Variants in ACTN1 observed in about 807,000 individuals in gnomAD.
ACTN1 encodes actinin alpha 1.
A neutral mutation model predicts 119.6 loss-of-function variants in ACTN1; 30 were observed. The ratio of observed to expected loss-of-function variants is 0.25; its 90% CI spans 0.19 to 0.34. The LOEUF (loss-of-function observed/expected upper bound fraction) is 0.34. ACTN1 is among the 10% of genes least tolerant of loss of function. The probability of loss-of-function intolerance (pLI) is 1.00; values close to 1 mark genes in which losing one functional copy is unlikely to be tolerated. For missense variants in ACTN1, 764 were observed against 1,223.4 expected (o/e 0.62, Z 5.60); for synonymous variants, 429 against 472.6 (o/e 0.91, Z 1.20).
intron 1 of ACTN1, among the ~76,000 whole-genome samples, chr14:68,932,174 A>C (rs2140432002): frequency 6.6e-6 from 1 of 151,894 alleles, no homozygotes; most frequent in East Asian, 1.9e-4. Context: ...TGGACTGGGA[A>C]AGGCAGACCC....
At chr14:68,943,492 A>G (rs565987457) in intron 1 of ACTN1, among the ~76,000 whole-genome samples, 4 of 152,272 alleles carry the variant, frequency 2.6e-5, no homozygotes, top group South Asian at 4.1e-4. Flanking sequence ...CAGACACTGC[A>G]GCAAGGGCAG....
In ACTN1 at chr14:68,910,038, A is replaced by C. The variant is rs1169552594; in HGVS notation, c.432T>G (p.Thr144=). 1.2e-6 allele frequency: 2 copies of C among 1,613,524 alleles called. No homozygotes were observed. The change falls in exon 5 of 22, where the codon ACT becomes ACG. Residue 144 remains threonine (T), a synonymous_variant. Coordinates refer to ENST00000394419, the MANE Select transcript of ACTN1 (RefSeq NM_001130004.2). The part of the protein sequence containing the change: ...FAIQDISVEE[T]SAKEGLLLWC... ...ACAGGAGCAGCCCTTCCTTGGCTGA[A>C]GTCTCTATGGGGAAGGGGATGGGCA...
chr14:68,890,656 G>C (rs7141959), intron 10 of ACTN1, among the ~76,000 whole-genome samples: 63,960 of 152,088 alleles, frequency 0.42, 14,155 homozygotes, highest in African/African-American at 0.54. Flanking sequence ...AAGGGCCCCC[G>C]AGGTAAACAG....
At chr14:68,946,478 A>G (rs771104265) in intron 1 of ACTN1, among the ~76,000 whole-genome samples, 1 of 152,132 alleles carries the variant, frequency 6.6e-6, no homozygotes, top group Non-Finnish European at 1.5e-5. Context: ...TCCCAGCCCA[A>G]TAAAAAAGGC....
chr14:68,973,707 C>T (rs1237412080), intron 1 of ACTN1: 2 of 152,214 alleles, frequency 1.3e-5, no homozygotes, highest in African/African-American at 4.8e-5. Context: ...ACTCCTAAGG[C>T]TCCTTGTCTC....
chr14:68,879,971 G>A lies in ACTN1; in HGVS notation c.2271C>T (p.His757=), dbSNP rs1372857767. Residue 757 remains histidine (H), a synonymous_variant, in exon 18 of 22, where the codon CAC becomes CAT. Transcript: ENST00000394419. This position sits in a 1 kb window ranked among gnomAD's most constrained non-coding sequence, Gnocchi z 4.9. ...AGGATGGGGCTCTCACCCGGTCAAA[G>A]TGGTTGAAGGAGGCCCGGAACTCAT... is the stretch of plus-strand genomic sequence containing the variant. ...QMNEFRASFN[H]FDRDHSGTLG... The A allele has an allele frequency of 2.5e-6, 4 of 1,614,176 alleles. No homozygotes were observed. Among genetic ancestry groups the A allele is most frequent in the Non-Finnish European group, 2.5e-6 (3 of 1,179,978 alleles).
At chr14:68,932,016 C>A (rs757295812) in intron 1 of ACTN1, among the ~76,000 whole-genome samples, 2 of 151,692 alleles carry the variant, frequency 1.3e-5, no homozygotes, top group Non-Finnish European at 2.9e-5. Context: ...TTTCAGCCTG[C>A]CAAGTAGCTG....
At chr14:68,958,296 G>C (rs2036418195) in intron 1 of ACTN1, among the ~76,000 whole-genome samples, 1 of 152,152 alleles carries the variant, frequency 6.6e-6, no homozygotes, top group African/African-American at 2.4e-5. Flanking sequence ...AGGAAAATCA[G>C]GTGCCCCATG....
intron 1 of ACTN1, among the ~76,000 whole-genome samples, chr14:68,959,359 T>A (rs767132504): frequency 1.3e-5 from 2 of 152,178 alleles, no homozygotes; most frequent in Non-Finnish European, 2.9e-5. Context: ...ATACAAAAAG[T>A]TTCTGTGTGT....
chr14:68,902,327 C>T (rs577055294), intron 8 of ACTN1, 150 bp downstream of exon 8: 23 of 670,934 alleles, frequency 3.4e-5, no homozygotes, highest in Non-Finnish European at 5.0e-5. Context: ...AAGAACAACA[C>T]GCCACTTCAG....
At chr14:68,967,861 A>T (rs967781208) in intron 1 of ACTN1, among the ~76,000 whole-genome samples, 3 of 152,252 alleles carry the variant, frequency 2.0e-5, no homozygotes, top group Admixed American at 6.5e-5. Flanking sequence ...CAAGCCTCAT[A>T]TCCAGAGCAG....
intron 8 of ACTN1, chr14:68,901,031 G>C (rs1021844779): frequency 2.0e-5 from 3 of 152,476 alleles, no homozygotes; most frequent in African/African-American, 7.3e-5. Context: ...ATGGTGGACA[G>C]AAAGAGGACA....
At position 68,885,304 on chromosome 14, in the gene ACTN1, T is replaced by C; in HGVS notation, c.1385+121A>G. 3 of 1,309,022 alleles carry C rather than the reference T, an allele frequency of 2.3e-6. No homozygotes were observed. The highest frequency in any genetic ancestry group is 1.5e-5 in the South Asian group (1 of 66,130). 81.1% of individuals were successfully genotyped at this position (1,309,022 alleles called of 1,614,324 possible). A position where few individuals can be genotyped will look rare whatever the true frequency, so the allele number is the denominator to read the frequency against. ...CTCCTGCGTTGACTCCCTCCCCACC[T>C]GGGCACCCACCTGTACCCACCCTCC... On this transcript the variant is annotated intron_variant, in intron 12 of 21. Transcript: ENST00000394419. This position sits in a 1 kb window ranked among gnomAD's most constrained non-coding sequence, Gnocchi z 5.6.
chr14:68,884,346 T>A, intron 13 of ACTN1, 38 bp from the exon 14 acceptor site: 1 of 1,585,616 alleles, frequency 6.3e-7, no homozygotes, highest in Non-Finnish European at 8.6e-7. Flanking sequence ...AGTACAGTGA[T>A]GTCCAGAATC....
intron 1 of ACTN1, among the ~76,000 whole-genome samples, chr14:68,976,349 C>T (rs2037058924): frequency 6.6e-6 from 1 of 152,154 alleles, no homozygotes; most frequent in South Asian, 2.1e-4. Context: ...ACACAAACCC[C>T]GCCTCCCAGT....
Position 68,909,360 on chromosome 14 carries a change from G to C in ACTN1, c.552C>G (p.His184Gln). ...AGTCAATCAGCTCGGGCCGGTGTCG[G>C]TGGATCAAAGCACAGAAGCCGAGGC... ...KDGLGFCALI[H>Q]RHRPELIDYG... The change falls in exon 6 of 22, where the codon CAC becomes CAG. Residue 184 changes from histidine to glutamine, a missense_variant. His to Gln is a conservative substitution (Grantham distance 24, BLOSUM62 0). Transcript: ENST00000394419. This position sits in a 1 kb window ranked among gnomAD's most constrained non-coding sequence, Gnocchi z 4.1. 6.2e-7 allele frequency: 1 copy of C among 1,614,104 alleles called. No individual in the cohort carries two copies. The highest frequency in any genetic ancestry group is 8.5e-7 in the Non-Finnish European group (1 of 1,180,010).
chr14:68,885,185 C>T lies in ACTN1; in HGVS notation c.1385+240G>A, dbSNP rs1256317209. 6.6e-6 allele frequency among the ~76,000 whole-genome samples: 1 copy of T among 152,110 alleles called. No individual in the cohort carries two copies. The highest frequency in any genetic ancestry group is 1.5e-5 in the Non-Finnish European group (1 of 68,018). ...AAGCTCAGAACCAAGTCTTGGTCACCCTCTGCTCCTGTACTAGCTACAGGC... is the reference window on the plus strand; with the variant it reads ...AAGCTCAGAACCAAGTCTTGGTCACTCTCTGCTCCTGTACTAGCTACAGGC... On this transcript the variant is annotated intron_variant, in intron 12 of 21. Coordinates refer to ENST00000394419, the MANE Select transcript of ACTN1 (RefSeq NM_001130004.2). This position sits in a 1 kb window ranked among gnomAD's most constrained non-coding sequence, Gnocchi z 5.6.
At position 68,885,510 on chromosome 14, in the gene ACTN1, G is replaced by C; in HGVS notation, c.1300C>G (p.Leu434Val). ...TATLSEIKAL[L>V]KKHEAFESDL... Reference sequence around the variant, plus strand: ...CTCTCGAAGGCCTCATGCTTCTTGAGCAGGGCCTTGATCTCCGAGAGGGTG... The same window carrying C: ...CTCTCGAAGGCCTCATGCTTCTTGACCAGGGCCTTGATCTCCGAGAGGGTG... The change falls in exon 12 of 22, where the codon CTC becomes GTC. Residue 434 changes from leucine (L) to valine (V), a missense_variant. Leu to Val is a conservative substitution (Grantham distance 32, BLOSUM62 1). Transcript: ENST00000394419. This position sits in a 1 kb window ranked among gnomAD's most constrained non-coding sequence, Gnocchi z 5.6. 1.2e-6 allele frequency: 2 copies of C among 1,614,132 alleles called. No individual in the cohort carries two copies. Among genetic ancestry groups the C allele is most frequent in the Non-Finnish European group, 1.7e-6 (2 of 1,180,020 alleles).
chr14:68,977,807 C>CCCG (rs1555361576), intron 1 of ACTN1: 4 of 368,804 alleles, frequency 1.1e-5, no homozygotes, highest in East Asian at 8.0e-5. Flanking sequence ...CTGTCCCCCC[C>CCCG]CCACCCAAAA....
Sources: gnomAD v4.1 joint callset for allele counts (sites outside exome capture counted in the v4.1 genomes callset) on GRCh38, gnomAD v4.1.1 for gene constraint, Gnocchi (gnomAD v3.1) non-coding constraint, MANE v1.5 for transcripts, NCBI Gene and HGNC (gene_info 2026-07-23, HGNC 2026-07-21) for gene names.